SNN: variants seen among roughly 807,000 people sequenced by gnomAD.
SNN encodes stannin, also known as AG8_1.
In SNN, 5 loss-of-function variants were observed where a neutral mutation model predicts 5.3. That is an observed-to-expected ratio of 0.94 (90% CI 0.49 to 1.97). SNN has a LOEUF of 1.97. SNN is among the 30% of genes most tolerant of loss of function. The pLI, the probability that SNN is intolerant of heterozygous loss-of-function variation, is 0.01. For synonymous variants in SNN, 67 were observed against 52.1 expected, an observed-to-expected ratio of 1.29 and a Z score of -1.24; for missense variants, 127 against 121.6, an observed-to-expected ratio of 1.04 and a Z score of -0.21.
chr16:11,669,480 C>T (rs1296839071), intron 1 of SNN, among the ~76,000 whole-genome samples: 2 of 152,208 alleles, frequency 1.3e-5, no homozygotes, highest in African/African-American at 2.4e-5. Flanking sequence ...AATCCCTGCG[C>T]GTCTACTTTT....
At chr16:11,674,515 C>T (rs1377175996) in intron 1 of SNN, among the ~76,000 whole-genome samples, 1 of 152,246 alleles carries the variant, frequency 6.6e-6, no homozygotes, top group African/African-American at 2.4e-5. Context: ...TCCATAGCCA[C>T]ACTGTCCTCC....
At chr16:11,673,976 G>T (rs961877234) in intron 1 of SNN, among the ~76,000 whole-genome samples, 5 of 152,236 alleles carry the variant, frequency 3.3e-5, no homozygotes, top group Non-Finnish European at 7.3e-5. Context: ...GAAGCTGCCG[G>T]TTTCCCCGGG....
Position 11,676,355 on chromosome 16 carries a change from T to TGCA in SNN, c.*32_*34dup, listed in dbSNP as rs762992039. 1 of 1,600,214 alleles carries TGCA rather than the reference T, an allele frequency of 6.2e-7. No homozygotes were observed. The highest frequency in any genetic ancestry group is 1.1e-5 in the South Asian group (1 of 90,526). ...AGGATGCAAGGCTCCTGGTCCTGTTTGCAGCCGGCCAAGAGGCGCTGGGAG... is the reference window on the plus strand; with the variant it reads ...AGGATGCAAGGCTCCTGGTCCTGTTTGCAGCAGCCGGCCAAGAGGCGCTGGGAG... On this transcript the variant is annotated 3_prime_UTR_variant, in exon 2 of 2. Transcript: ENST00000329565.
In SNN at chr16:11,676,552, C is replaced by T; in HGVS notation, c.*226C>T. On this transcript the variant is annotated 3_prime_UTR_variant, in exon 2 of 2. Transcript: ENST00000329565. ...ATTGCAGGCACTGGGCAGGCCTGAC[C>T]TTGCTGGGGCTCATGGCCCTGTAGC... The T allele has an allele frequency of 1.7e-6, 1 of 575,580 alleles. No individual in the cohort carries two copies. 35.7% of individuals were successfully genotyped at this position (575,580 alleles called of 1,614,324 possible). A position where few individuals can be genotyped will look rare whatever the true frequency, so the allele number is the denominator to read the frequency against.
In SNN at chr16:11,676,179, C is replaced by T; in HGVS notation, c.120C>T (p.Arg40=). ...LGCWCYLRLQ[R]ISQSEDEESI... Reference sequence around the variant, plus strand: ...GCTGGTGCTACCTGCGGCTGCAGCGCATCAGCCAGTCAGAGGACGAGGAGA... The same window carrying T: ...GCTGGTGCTACCTGCGGCTGCAGCGTATCAGCCAGTCAGAGGACGAGGAGA... The change falls in exon 2 of 2, where the codon CGC becomes CGT. Residue 40 remains arginine, a synonymous_variant. Transcript: ENST00000329565. The T allele has an allele frequency of 1.2e-6, 2 of 1,614,222 alleles. No homozygotes were observed. The highest frequency in any genetic ancestry group is 1.7e-6 in the Non-Finnish European group (2 of 1,180,040).
In SNN at chr16:11,671,977, T is replaced by C. The variant is rs576676826; in HGVS notation, c.-86+3437T>C. ...CGCCGTTCTGTCCCCACACTAGGCC[T>C]GCAGCCTTCTCCCATGCAGTCTGCC... On this transcript the variant is annotated intron_variant, in intron 1 of 1. Coordinates refer to ENST00000329565, the MANE Select transcript of SNN (RefSeq NM_003498.6). The surrounding 1 kb of genome is among the most constrained non-coding windows in gnomAD (Gnocchi z 4.7). Among the ~76,000 whole-genome samples, 27 of 152,338 alleles carry C rather than the reference T, an allele frequency of 1.8e-4. No individual in the cohort carries two copies. The highest frequency in any genetic ancestry group is 3.4e-3 in the Middle Eastern group (1 of 294).
Position 11,679,144 on chromosome 16 carries a change from T to C in SNN, c.*2818T>C, listed in dbSNP as rs2050338104. The C allele has an allele frequency of 6.4e-7, 1 of 1,564,688 alleles. No individual in the cohort carries two copies. The highest frequency in any genetic ancestry group is 8.7e-7 in the Non-Finnish European group (1 of 1,151,714). On this transcript the variant is annotated 3_prime_UTR_variant, in exon 2 of 2. Coordinates refer to ENST00000329565, the MANE Select transcript of SNN (RefSeq NM_003498.6). This position sits in a 1 kb window ranked among gnomAD's most constrained non-coding sequence, Gnocchi z 4.6. ...AATTTCAATAAAATTTGCATAAATA[T>C]ATTCCCAATGTACAATTTTCACCTC...
Position 11,676,410 on chromosome 16 carries a change from TGA to T in SNN, c.*88_*89del, listed in dbSNP as rs2050304801. ...AAAACCATACGGATGCGCTGCTGTC[TGA>T]GAGGAAGGGCTGACACTTGCTGGCA... is the stretch of plus-strand genomic sequence containing the variant. On this transcript the variant is annotated 3_prime_UTR_variant, in exon 2 of 2. Transcript: ENST00000329565. The T allele has an allele frequency of 1.4e-6, 2 of 1,457,026 alleles. No homozygotes were observed. Among genetic ancestry groups the T allele is most frequent in the African/African-American group, 2.8e-5 (2 of 71,040 alleles). The allele number at this position is 1,457,026 out of a possible 1,614,324, so 90.3% of individuals were successfully genotyped here.
intron 1 of SNN, among the ~76,000 whole-genome samples, chr16:11,670,604 C>G (rs1225630404): frequency 6.6e-6 from 1 of 152,244 alleles, no homozygotes; most frequent in Non-Finnish European, 1.5e-5. Context: ...TCATCCTCCC[C>G]ACGACCTGGT....
Position 11,676,535 on chromosome 16 carries a change from C to A in SNN, c.*209C>A. ...TCCAGGTGAGGCTGCCCATTGCAGG[C>A]ACTGGGCAGGCCTGACCTTGCTGGG... On this transcript the variant is annotated 3_prime_UTR_variant, in exon 2 of 2. Coordinates refer to ENST00000329565, the MANE Select transcript of SNN (RefSeq NM_003498.6). 3 of 622,022 alleles carry A rather than the reference C, an allele frequency of 4.8e-6. No homozygotes were observed. The highest frequency in any genetic ancestry group is 5.7e-6 in the Non-Finnish European group (2 of 348,124). 38.5% of individuals were successfully genotyped at this position (622,022 alleles called of 1,614,324 possible). A position where few individuals can be genotyped will look rare whatever the true frequency, so the allele number is the denominator to read the frequency against.
rs8191271 is a variant in SNN, at chr16:11,668,606, G to A, written c.-86+66G>A. On this transcript the variant is annotated intron_variant, in intron 1 of 1. Transcript: ENST00000329565. This position sits in a 1 kb window ranked among gnomAD's most constrained non-coding sequence, Gnocchi z 6.8. ...GGGCGCCGGGGCCCGGGGGCGGGAA[G>A]GGGGAGGCCAGGACGAGGAGGGGCG... is the stretch of plus-strand genomic sequence containing the variant. The A allele has an allele frequency of 0.011, 1,594 of 145,470 alleles. 33 individuals are homozygous for A. Among genetic ancestry groups the A allele is most frequent in the South Asian group, 0.082 (447 of 5,420 alleles). The allele number at this position is 145,470 out of a possible 1,614,324, so 9.0% of individuals were successfully genotyped here. A position where few individuals can be genotyped will look rare whatever the true frequency, so the allele number is the denominator to read the frequency against.
chr16:11,673,833 AGGCGTCCT>A (rs1029082129), intron 1 of SNN, among the ~76,000 whole-genome samples: 2 of 152,220 alleles, frequency 1.3e-5, no homozygotes, highest in Non-Finnish European at 2.9e-5. Flanking sequence ...AGGACTTGGA[AGGCGTCCT>A]GGCTGCAGTG....
At chr16:11,675,934 G>T in intron 1 of SNN, 41 bp from the exon 2 acceptor site, 1 of 982,892 alleles carries the variant, frequency 1.0e-6, no homozygotes, top group Non-Finnish European at 1.5e-6. Context: ...AGACCCCGTG[G>T]AAGTGCTAAC....
In SNN at chr16:11,672,574, A is replaced by G. The variant is rs1308977418; in HGVS notation, c.-85-3401A>G. On this transcript the variant is annotated intron_variant, in intron 1 of 1. Transcript: ENST00000329565. This position sits in a 1 kb window ranked among gnomAD's most constrained non-coding sequence, Gnocchi z 6.0. ...TTCTGAGTGGGGAGAACGCCATCAC[A>G]TTTTTGCAAAGATCGTTTCTCAGGA... Among the ~76,000 whole-genome samples, 1 of 152,134 alleles carries G rather than the reference A, an allele frequency of 6.6e-6. No individual in the cohort carries two copies. The highest frequency in any genetic ancestry group is 1.5e-5 in the Non-Finnish European group (1 of 68,016).
chr16:11,672,689 T>C lies in SNN; in HGVS notation c.-85-3286T>C, dbSNP rs2050273645. On this transcript the variant is annotated intron_variant, in intron 1 of 1. Coordinates refer to ENST00000329565, the MANE Select transcript of SNN (RefSeq NM_003498.6). The surrounding 1 kb of genome is among the most constrained non-coding windows in gnomAD (Gnocchi z 6.0). ...TGACTGTGGCTCAGTCACTGGGCTCTGTGCTCGCGGCGGGGCAGAACCCCA... is the reference window on the plus strand; with the variant it reads ...TGACTGTGGCTCAGTCACTGGGCTCCGTGCTCGCGGCGGGGCAGAACCCCA... 1.3e-5 allele frequency among the ~76,000 whole-genome samples: 2 copies of C among 152,184 alleles called. No individual in the cohort carries two copies. Among genetic ancestry groups the C allele is most frequent in the South Asian group, 4.1e-4 (2 of 4,838 alleles).
At chr16:11,669,257 C>T (rs2050250318) in intron 1 of SNN, among the ~76,000 whole-genome samples, 2 of 152,186 alleles carry the variant, frequency 1.3e-5, no homozygotes, top group South Asian at 4.1e-4. Context: ...GCCTGCCACG[C>T]CGCCCGCGCT....
At position 11,668,475 on chromosome 16, in the gene SNN, G is replaced by C. The variant is rs926298462; in HGVS notation, c.-151G>C. The C allele has an allele frequency of 1.2e-4, 17 of 146,042 alleles. No homozygotes were observed. Among genetic ancestry groups the C allele is most frequent in the African/African-American group, 3.4e-4 (14 of 40,750 alleles). The allele number at this position is 146,042 out of a possible 1,614,324, so 9.0% of individuals were successfully genotyped here. A position where few individuals can be genotyped will look rare whatever the true frequency, so the allele number is the denominator to read the frequency against. Reference sequence around the variant, plus strand: ...GTCCCGAGTGCGCGGCGGCCGGACCGGGCGGGCGGAGCCGGGCCCGCGGGG... The same window carrying C: ...GTCCCGAGTGCGCGGCGGCCGGACCCGGCGGGCGGAGCCGGGCCCGCGGGG... On this transcript the variant is annotated 5_prime_UTR_variant, in exon 1 of 2. Coordinates refer to ENST00000329565, the MANE Select transcript of SNN (RefSeq NM_003498.6). The surrounding 1 kb of genome is among the most constrained non-coding windows in gnomAD (Gnocchi z 6.8).
At position 11,670,656 on chromosome 16, in the gene SNN, A is replaced by G. The variant is rs191967077; in HGVS notation, c.-86+2116A>G. 2.0e-5 allele frequency among the ~76,000 whole-genome samples: 3 copies of G among 152,302 alleles called. No homozygotes were observed. The East Asian group carries it at 5.8e-4, about 29-fold the overall frequency. On this transcript the variant is annotated intron_variant, in intron 1 of 1. Coordinates refer to ENST00000329565, the MANE Select transcript of SNN (RefSeq NM_003498.6). ...TCGTATCCGCTTTGCGCATTGAGAA[A>G]CTGAGGCCAAGAGGAGCAGCTTGCT...
In SNN at chr16:11,679,147, T is replaced by G. The variant is rs1342106383; in HGVS notation, c.*2821T>G. The G allele has an allele frequency of 6.4e-7, 1 of 1,570,986 alleles. No individual in the cohort carries two copies. Among genetic ancestry groups the G allele is most frequent in the Non-Finnish European group, 8.7e-7 (1 of 1,155,954 alleles). ...TTCAATAAAATTTGCATAAATATAT[T>G]CCCAATGTACAATTTTCACCTCTGA... On this transcript the variant is annotated 3_prime_UTR_variant, in exon 2 of 2. Coordinates refer to ENST00000329565, the MANE Select transcript of SNN (RefSeq NM_003498.6). The surrounding 1 kb of genome is among the most constrained non-coding windows in gnomAD (Gnocchi z 4.6).
Sources: gnomAD v4.1 joint callset for allele counts (sites outside exome capture counted in the v4.1 genomes callset) on GRCh38, gnomAD v4.1.1 for gene constraint, Gnocchi (gnomAD v3.1) non-coding constraint, MANE v1.5 for transcripts, NCBI Gene and HGNC (gene_info 2026-07-23, HGNC 2026-07-21) for gene names.